RALB: variants seen among roughly 807,000 people sequenced by gnomAD.
The protein encoded by RALB is RAS like proto-oncogene B.
In RALB, 16 loss-of-function variants were observed where a neutral mutation model predicts 21.3. The observed-to-expected ratio is 0.75, with a 90% CI of 0.51 to 1.14. RALB has a LOEUF of 1.14. Among genes scored for constraint, RALB ranks in the 50% most tolerant of loss-of-function variants. RALB has a pLI of 0.00. For missense variants in RALB, 161 were observed against 256.2 expected (o/e 0.63, Z 2.54); for synonymous variants, 93 against 96.1 (o/e 0.97, Z 0.19).
At chr2:120,284,906 TTCAC>T (rs1382397842) in intron 2 of RALB, among the ~76,000 whole-genome samples, 1 of 152,204 alleles carries the variant, frequency 6.6e-6, no homozygotes, top group African/African-American at 2.4e-5. Context: ...TCTAACTTCT[TTCAC>T]TCAGCATCAT....
At chr2:120,250,665 T>C (rs146411614), upstream of RALB, among the ~76,000 whole-genome samples, 216 of 152,358 alleles carry the variant, frequency 1.4e-3, no homozygotes, top group African/African-American at 5.0e-3. Context: ...ATCTTGTATT[T>C]CTGCTGCTCA....
intron 2 of RALB, among the ~76,000 whole-genome samples, chr2:120,282,840 A>G (rs1346626879): frequency 6.6e-6 from 1 of 152,206 alleles, no homozygotes; most frequent in Non-Finnish European, 1.5e-5. Context: ...AGAAACTTCC[A>G]TGATGATGAA....
At chr2:120,253,280 T>C in intron 1 of RALB, 1 of 623,094 alleles carries the variant, frequency 1.6e-6, no homozygotes, top group Non-Finnish European at 2.0e-6. Flanking sequence ...TGGCTCTGCT[T>C]CCACTTCCTG....
intron 2 of RALB, among the ~76,000 whole-genome samples, chr2:120,279,131 C>T (rs1451820706): frequency 6.6e-6 from 1 of 152,108 alleles, no homozygotes. Flanking sequence ...CAGTCAATCG[C>T]GAAGTGAAAG....
Position 120,293,958 on chromosome 2 carries a change from T to C in RALB, c.*698T>C, listed in dbSNP as rs764314103. On this transcript the variant is annotated 3_prime_UTR_variant, in exon 5 of 5. Transcript: ENST00000272519. ...TCTCCTGTAAGCATCCTGATTTTTCTGTAGGAACTTTTCTTTGGCAGACCA... is the reference window on the plus strand; with the variant it reads ...TCTCCTGTAAGCATCCTGATTTTTCCGTAGGAACTTTTCTTTGGCAGACCA... 42 of 395,406 alleles carry C rather than the reference T, an allele frequency of 1.1e-4. No homozygotes were observed. The highest frequency in any genetic ancestry group is 1.6e-4 in the Non-Finnish European group (35 of 224,674). 24.5% of individuals were successfully genotyped at this position (395,406 alleles called of 1,614,324 possible).
chr2:120,265,284 A>G (rs373348339), intron 1 of RALB, among the ~76,000 whole-genome samples: 17 of 152,314 alleles, frequency 1.1e-4, no homozygotes, highest in African/African-American at 4.1e-4. Flanking sequence ...ATGTTACTGT[A>G]CCGAATACCG....
intron 1 of RALB, among the ~76,000 whole-genome samples, chr2:120,270,900 C>G (rs1283773331): frequency 6.6e-6 from 1 of 152,156 alleles, no homozygotes; most frequent in Non-Finnish European, 1.5e-5. Flanking sequence ...TGATTATGGC[C>G]TACTAGGTGA....
intron 1 of RALB, chr2:120,253,793 A>C: frequency 1.2e-6 from 1 of 851,518 alleles, no homozygotes; most frequent in Non-Finnish European, 1.4e-6. Context: ...CGTGGAAGAG[A>C]CTTGGCTGAT....
At position 120,252,963 on chromosome 2, in the gene RALB, C is replaced by T. The variant is rs973170689; in HGVS notation, c.-65C>T. On this transcript the variant is annotated 5_prime_UTR_variant, in exon 1 of 5. Transcript: ENST00000272519. ...GCGGGCCGGGTGCGGACGGCGGAGG[C>T]GGCGGGACTGGTCCCTGGTAAGGGC... 4 of 985,336 alleles carry T rather than the reference C, an allele frequency of 4.1e-6. No individual in the cohort carries two copies. The highest frequency in any genetic ancestry group is 1.8e-5 in the African/African-American group (1 of 57,078). The allele number at this position is 985,336 out of a possible 1,614,324, so 61.0% of individuals were successfully genotyped here. A position where few individuals can be genotyped will look rare whatever the true frequency, so the allele number is the denominator to read the frequency against.
At chr2:120,292,916 G>A (rs1238721065) in intron 4 of RALB, among the ~76,000 whole-genome samples, 1 of 152,192 alleles carries the variant, frequency 6.6e-6, no homozygotes, top group Non-Finnish European at 1.5e-5. Context: ...AATTTTTTAA[G>A]GTTAATTTTT....
At chr2:120,252,698 C>G, upstream of RALB, 3 of 874,106 alleles carry the variant, frequency 3.4e-6, no homozygotes, top group Non-Finnish European at 2.7e-6. Flanking sequence ...GAAACCTCCT[C>G]CCCGGCCGCC....
intron 4 of RALB, among the ~76,000 whole-genome samples, chr2:120,290,656 C>T (rs1690286185): frequency 6.7e-6 from 1 of 150,270 alleles, no homozygotes; most frequent in Admixed American, 6.6e-5. Context: ...TCTCTTATCC[C>T]ATCCCAGCAT....
chr2:120,257,112 T>G (rs1244171822), intron 1 of RALB, among the ~76,000 whole-genome samples: 1 of 152,214 alleles, frequency 6.6e-6, no homozygotes, highest in Non-Finnish European at 1.5e-5. Flanking sequence ...ACATCTGAAT[T>G]TTTTTCTTTA....
upstream of RALB, among the ~76,000 whole-genome samples, chr2:120,249,356 A>T (rs888076872): frequency 6.6e-6 from 1 of 152,140 alleles, no homozygotes; most frequent in Non-Finnish European, 1.5e-5. Context: ...TTGTGTTGCT[A>T]TAAAGAAATA....
At chr2:120,274,310 ACTTAT>A (rs2104623693) in intron 1 of RALB, among the ~76,000 whole-genome samples, 1 of 151,976 alleles carries the variant, frequency 6.6e-6, no homozygotes, top group Non-Finnish European at 1.5e-5. Context: ...AGATGTGCTT[ACTTAT>A]CTAGTTACTT....
chr2:120,289,497 G>A, intron 3 of RALB, 83 bp from the exon 4 acceptor site: 1 of 1,400,194 alleles, frequency 7.1e-7, no homozygotes, highest in South Asian at 1.2e-5. Flanking sequence ...CCTTAGGAAA[G>A]CCTTTTATTT....
chr2:120,254,501 G>T (rs1689147428), intron 1 of RALB, among the ~76,000 whole-genome samples: 1 of 152,170 alleles, frequency 6.6e-6, no homozygotes, highest in Non-Finnish European at 1.5e-5. Flanking sequence ...TAAGTTATTA[G>T]ATATCTTTTG....
intron 1 of RALB, among the ~76,000 whole-genome samples, chr2:120,261,377 A>G (rs990061893): frequency 2.0e-5 from 3 of 152,186 alleles, no homozygotes; most frequent in African/African-American, 7.2e-5. Context: ...GGAGACAAGG[A>G]GAAGAAGGGC....
intron 1 of RALB, among the ~76,000 whole-genome samples, chr2:120,270,060 T>C (rs1689624053): frequency 1.3e-5 from 2 of 152,252 alleles, no homozygotes; most frequent in South Asian, 4.1e-4. Flanking sequence ...TCTTCATTTT[T>C]TGCCCGTTTA....
Sources: gnomAD v4.1 joint callset for allele counts (sites outside exome capture counted in the v4.1 genomes callset) on GRCh38, gnomAD v4.1.1 for gene constraint, MANE v1.5 for transcripts, NCBI Gene and HGNC (gene_info 2026-07-23, HGNC 2026-07-21) for gene names.